ZMIZ1: variants seen among roughly 807,000 people sequenced by gnomAD.
ZMIZ1 encodes the protein zinc finger MIZ domain-containing protein 1.
A neutral mutation model predicts 113.9 loss-of-function variants in ZMIZ1; 17 were observed. That is an observed-to-expected ratio of 0.15 (90% confidence interval 0.10 to 0.22). The LOEUF is 0.22. ZMIZ1 is among the 10% of genes least tolerant of loss of function. The pLI is 1.00. For synonymous variants in ZMIZ1, 607 were observed against 603.1 expected (o/e 1.01, Z -0.09); for missense variants, 1,059 against 1,477.8 (o/e 0.72, Z 4.65).
chr10:79,295,217 C>T (rs1172958529), intron 12 of ZMIZ1: 3 of 152,236 alleles, frequency 2.0e-5, no homozygotes, highest in Admixed American at 1.3e-4. Flanking sequence ...GAGGCAATCT[C>T]GGATGAGGCT....
intron 2 of ZMIZ1, among the ~76,000 whole-genome samples, chr10:79,127,116 C>T (rs1197382943): frequency 2.0e-5 from 3 of 152,164 alleles, no homozygotes; most frequent in Non-Finnish European, 4.4e-5. Context: ...CTGCTGGGGA[C>T]AGGGAGGGGA....
intron 8 of ZMIZ1, among the ~76,000 whole-genome samples, chr10:79,277,839 A>C: frequency 6.6e-6 from 1 of 152,248 alleles, no homozygotes. Flanking sequence ...TGCCAGCCTC[A>C]GAAGGAGCAC....
At chr10:79,186,643 A>G (rs191232295) in intron 4 of ZMIZ1, among the ~76,000 whole-genome samples, 1 of 152,382 alleles carries the variant, frequency 6.6e-6, no homozygotes, top group African/African-American at 2.4e-5. Context: ...CTGCTTATAG[A>G]GACGTACAGC....
chr10:79,277,916 T>C (rs1047275531), intron 8 of ZMIZ1, among the ~76,000 whole-genome samples: 2 of 152,222 alleles, frequency 1.3e-5, no homozygotes, highest in Non-Finnish European at 2.9e-5. Context: ...GGGGATGCTC[T>C]CTCTGAGCGC....
At chr10:79,129,160 C>A (rs1043775242) in intron 2 of ZMIZ1, among the ~76,000 whole-genome samples, 13 of 152,166 alleles carry the variant, frequency 8.5e-5, no homozygotes, top group African/African-American at 3.1e-4. Flanking sequence ...TAATGTCACT[C>A]TCCCCCACCT....
chr10:79,292,820 G>A (rs1396226588), intron 11 of ZMIZ1: 1 of 462,870 alleles, frequency 2.2e-6, no homozygotes, highest in Non-Finnish European at 4.3e-6. Context: ...GGATGGGTTA[G>A]GGGATGAGGA....
intron 4 of ZMIZ1, among the ~76,000 whole-genome samples, chr10:79,183,409 C>T (rs369871693): frequency 6.6e-6 from 1 of 152,264 alleles, no homozygotes; most frequent in Non-Finnish European, 1.5e-5. Flanking sequence ...TGCAGAGACA[C>T]AGTCCAGGTC....
chr10:79,129,541 C>T (rs568731018), intron 2 of ZMIZ1, among the ~76,000 whole-genome samples: 64 of 152,326 alleles, frequency 4.2e-4, no homozygotes, highest in African/African-American at 1.3e-3. Context: ...TGGCTCCAGT[C>T]TCCTCTCTGG....
intron 4 of ZMIZ1, among the ~76,000 whole-genome samples, chr10:79,193,713 G>A (rs1244107901): frequency 2.6e-5 from 4 of 152,162 alleles, no homozygotes; most frequent in Non-Finnish European, 1.5e-5. Context: ...AACCAAGAAA[G>A]AGCACGAAAG....
At chr10:79,109,081 A>T (rs1028288310) in intron 1 of ZMIZ1, among the ~76,000 whole-genome samples, 5 of 152,134 alleles carry the variant, frequency 3.3e-5, no homozygotes, top group African/African-American at 1.2e-4. Flanking sequence ...CCAGGTGCAC[A>T]CATGTGTGTG....
chr10:79,197,023 G>A (rs1371660742), intron 4 of ZMIZ1, among the ~76,000 whole-genome samples: 1 of 152,234 alleles, frequency 6.6e-6, no homozygotes, highest in African/African-American at 2.4e-5. Context: ...AGGTCACTTA[G>A]GTTTGTCAAC....
chr10:79,236,507 T>TGCC (rs1266626139), intron 7 of ZMIZ1, among the ~76,000 whole-genome samples: 1 of 152,186 alleles, frequency 6.6e-6, no homozygotes, highest in Non-Finnish European at 1.5e-5. Context: ...GAGCTGCCGT[T>TGCC]GCCGTCTCTT....
Position 79,289,847 on chromosome 10 carries a change from G to C in ZMIZ1, c.498G>C (p.Val166=), listed in dbSNP as rs1853351066. 1 of 1,614,080 alleles carries C rather than the reference G, an allele frequency of 6.2e-7. No homozygotes were observed. The highest frequency in any genetic ancestry group is 8.5e-7 in the Non-Finnish European group (1 of 1,179,938). ...NTNQPPGSLS[V]VTTVWGVTNT... Reference sequence around the variant, plus strand: ...ACCAGCCTCCCGGCTCCCTTTCCGTGGTCACCACGGTTTGGGGAGTAACCA... The same window carrying C: ...ACCAGCCTCCCGGCTCCCTTTCCGTCGTCACCACGGTTTGGGGAGTAACCA... The change falls in exon 9 of 25, where the codon GTG becomes GTC. Residue 166 remains valine, a synonymous_variant. Transcript: ENST00000334512.
intron 4 of ZMIZ1, among the ~76,000 whole-genome samples, chr10:79,194,906 G>A (rs1365456445): frequency 1.3e-5 from 2 of 152,242 alleles, no homozygotes; most frequent in African/African-American, 2.4e-5. Flanking sequence ...CCCGAAAGAC[G>A]TCCCACGGGA....
Position 79,298,334 on chromosome 10 carries a change from G to A in ZMIZ1, c.1492-72G>A, listed in dbSNP as rs73304196. 8,005 of 1,518,176 alleles carry A rather than the reference G, an allele frequency of 5.3e-3. 369 individuals carry two copies. In the African/African-American group the frequency reaches 0.096, roughly 18 times the overall value. The allele number at this position is 1,518,176 out of a possible 1,614,324, so 94.0% of individuals were successfully genotyped here. Reference sequence around the variant, plus strand: ...TCCAGGCCCCTGGGATGAGTGCGGTGTATGTCCATAGCCATGGCCCCTTCT... The same window carrying A: ...TCCAGGCCCCTGGGATGAGTGCGGTATATGTCCATAGCCATGGCCCCTTCT... On this transcript the variant is annotated intron_variant, in intron 14 of 24. Transcript: ENST00000334512.
At chr10:79,267,023 AT>A (rs1851647436) in intron 7 of ZMIZ1, among the ~76,000 whole-genome samples, 3 of 152,310 alleles carry the variant, frequency 2.0e-5, no homozygotes, top group Middle Eastern at 3.4e-3. Flanking sequence ...CAGGCCTCCT[AT>A]TGTGGAGAGG....
chr10:79,263,284 G>A (rs1041407805), intron 7 of ZMIZ1, among the ~76,000 whole-genome samples: 2 of 152,214 alleles, frequency 1.3e-5, no homozygotes, highest in African/African-American at 2.4e-5. Flanking sequence ...TTAGAGGAAC[G>A]AATAGCCTTC....
intron 5 of ZMIZ1, among the ~76,000 whole-genome samples, chr10:79,203,350 A>G (rs1848179295): frequency 6.6e-6 from 1 of 152,192 alleles, no homozygotes; most frequent in African/African-American, 2.4e-5. Context: ...GATTGAACCC[A>G]GCCCAAATGG....
At chr10:79,303,875 C>A in intron 18 of ZMIZ1, 140 bp from the exon 19 acceptor site, 1 of 1,225,636 alleles carries the variant, frequency 8.2e-7, no homozygotes, top group Non-Finnish European at 1.1e-6. Context: ...CCACACACTG[C>A]CCTCTCAGCG....
Sources: gnomAD v4.1 joint callset for allele counts (sites outside exome capture counted in the v4.1 genomes callset) on GRCh38, gnomAD v4.1.1 for gene constraint, MANE v1.5 for transcripts, NCBI Gene and HGNC (gene_info 2026-07-23, HGNC 2026-07-21) for gene names.